The following RASEF variants were observed in gnomAD, a reference collection of about 807,000 sequenced individuals.
The protein encoded by RASEF is RAS and EF-hand domain containing, also known as ras and EF-hand domain-containing protein.
A neutral mutation model predicts 90.1 loss-of-function variants in RASEF; 68 were observed. The observed-to-expected ratio is 0.75, with a 90% CI of 0.62 to 0.92. The LOEUF (loss-of-function observed/expected upper bound fraction) is 0.92, where lower values mean the gene tolerates loss of function less well. RASEF is among the 40% of genes least tolerant of loss of function. The pLI is 0.00. For synonymous variants in RASEF, 331 were observed against 345.2 expected, an observed-to-expected ratio of 0.96 and a Z score of 0.46; for missense variants, 949 against 937.2, an observed-to-expected ratio of 1.01 and a Z score of -0.16.
chr9:83,144,016 G>A, the RASEF span, among the ~76,000 whole-genome samples: 2 of 152,040 alleles, frequency 1.3e-5, 1 homozygote, highest in Non-Finnish European at 2.9e-5. Flanking sequence ...ATGGTTGGAG[G>A]TGGAGGCCAT....
chr9:83,188,536 C>T, the RASEF span, among the ~76,000 whole-genome samples: 7 of 152,176 alleles, frequency 4.6e-5, no homozygotes, highest in Non-Finnish European at 5.9e-5. Flanking sequence ...TGTGAGAAAT[C>T]GGCATCTCTA....
At chr9:83,212,591 A>C in the RASEF span, among the ~76,000 whole-genome samples, 1 of 152,228 alleles carries the variant, frequency 6.6e-6, no homozygotes, top group African/African-American at 2.4e-5. Flanking sequence ...GAATGACAGA[A>C]TTTCTCTTTG....
the RASEF span, among the ~76,000 whole-genome samples, chr9:83,083,116 G>A: frequency 0.021 from 3,148 of 152,182 alleles, 90 homozygotes; most frequent in African/African-American, 0.071. Flanking sequence ...CTAGGAACCA[G>A]GAACAATTGT....
chr9:83,179,184 A>C, the RASEF span, among the ~76,000 whole-genome samples: 1 of 152,210 alleles, frequency 6.6e-6, no homozygotes, highest in Non-Finnish European at 1.5e-5. Context: ...TGTCATAGGA[A>C]AAGCATAAAA....
At chr9:83,090,081 T>A in the RASEF span, among the ~76,000 whole-genome samples, 3 of 152,234 alleles carry the variant, frequency 2.0e-5, no homozygotes, top group Admixed American at 6.5e-5. Context: ...AGTTAACTTA[T>A]CTTCGGGTTC....
the RASEF span, among the ~76,000 whole-genome samples, chr9:83,115,846 TGA>T: frequency 2.0e-5 from 3 of 152,130 alleles, no homozygotes; most frequent in African/African-American, 7.2e-5. Flanking sequence ...AAAATTATGC[TGA>T]GTTTTCAATA....
In RASEF at chr9:82,998,989, G is replaced by A. The variant is rs549688458; in HGVS notation, c.1724-543C>T. ...ACATGCATCATGGTCTCTGACAACT[G>A]AACCAAATACTGTATGTAGTCTTTT... On this transcript the variant is annotated intron_variant, in intron 12 of 16. Transcript: ENST00000376447. 2.6e-5 allele frequency among the ~76,000 whole-genome samples: 4 copies of A among 152,190 alleles called. No individual in the cohort carries two copies. The East Asian group carries it at 5.8e-4, about 22-fold the overall frequency.
At chr9:83,188,914 TG>T in the RASEF span, among the ~76,000 whole-genome samples, 1 of 152,216 alleles carries the variant, frequency 6.6e-6, no homozygotes, top group African/African-American at 2.4e-5. Context: ...TTACTATGTC[TG>T]GCAAGGAGAG....
intron 6 of RASEF, among the ~76,000 whole-genome samples, chr9:83,008,386 T>C (rs138667050): frequency 6.6e-6 from 1 of 152,276 alleles, no homozygotes; most frequent in East Asian, 1.9e-4. Flanking sequence ...GCTTTTCTAT[T>C]CAAAATGTCT....
At chr9:83,123,494 T>TCTCACTTCTCC in the RASEF span, among the ~76,000 whole-genome samples, 8 of 152,142 alleles carry the variant, frequency 5.3e-5, no homozygotes, top group Non-Finnish European at 1.0e-4. Flanking sequence ...CCTTCCCTGG[T>TCTCACTTCTCC]TAATCCTCAC....
At chr9:83,147,590 T>C in the RASEF span, among the ~76,000 whole-genome samples, 1 of 151,940 alleles carries the variant, frequency 6.6e-6, no homozygotes, top group Non-Finnish European at 1.5e-5. Flanking sequence ...CATGGTAGTG[T>C]CTAGGGGTGG....
chr9:83,023,366 C>G (rs755866088), intron 2 of RASEF, among the ~76,000 whole-genome samples: 1 of 152,144 alleles, frequency 6.6e-6, no homozygotes, highest in Non-Finnish European at 1.5e-5. Flanking sequence ...AGAGGTGATT[C>G]ATTCGGACAA....
chr9:83,048,956 T>C (rs1829984420), intron 1 of RASEF: 1 of 172,876 alleles, frequency 5.8e-6, no homozygotes, highest in Non-Finnish European at 1.1e-5. Flanking sequence ...CAGTACTATC[T>C]GTACTAAAAA....
At chr9:83,077,399 G>C in the RASEF span, among the ~76,000 whole-genome samples, 1 of 152,134 alleles carries the variant, frequency 6.6e-6, no homozygotes, top group Non-Finnish European at 1.5e-5. Context: ...AAAGTTATTA[G>C]AATCGGTCAT....
chr9:83,145,582 A>C, the RASEF span, among the ~76,000 whole-genome samples: 1 of 152,096 alleles, frequency 6.6e-6, no homozygotes, highest in Non-Finnish European at 1.5e-5. Flanking sequence ...CTATTGACAG[A>C]GCCTAGCATG....
At chr9:83,092,571 G>C in the RASEF span, among the ~76,000 whole-genome samples, 2 of 152,148 alleles carry the variant, frequency 1.3e-5, no homozygotes, top group African/African-American at 4.8e-5. Context: ...GACTTTCACA[G>C]TGAGTGTCAC....
At position 83,062,872 on chromosome 9, in the gene RASEF, C is replaced by T. The variant is rs1421829872; in HGVS notation, c.-5G>A. The stretch of plus-strand genomic sequence containing the variant: ...TCCGTCCCCATCCGCCTCCATCCCG[C>T]CTGGCGGGGGCGGCCGAGAGGGCTC... On this transcript the variant is annotated 5_prime_UTR_variant, in exon 1 of 17. Coordinates refer to ENST00000376447, the MANE Select transcript of RASEF (RefSeq NM_152573.4). 8.7e-6 allele frequency: 13 copies of T among 1,494,646 alleles called. No homozygotes were observed. The highest frequency in any genetic ancestry group is 1.1e-5 in the Non-Finnish European group (13 of 1,132,550). The allele number at this position is 1,494,646 out of a possible 1,614,324, so 92.6% of individuals were successfully genotyped here.
At chr9:83,077,486 C>G in the RASEF span, among the ~76,000 whole-genome samples, 3,118 of 152,220 alleles carry the variant, frequency 0.02, 91 homozygotes, top group African/African-American at 0.071. Flanking sequence ...CACAAACTCT[C>G]CCCTCCCCTA....
chr9:83,194,883 A>G, the RASEF span, among the ~76,000 whole-genome samples: 1 of 152,274 alleles, frequency 6.6e-6, no homozygotes, highest in East Asian at 1.9e-4. Context: ...TTGAGCAATT[A>G]CTTATTTTCT....
Sources: gnomAD v4.1 joint callset for allele counts (sites outside exome capture counted in the v4.1 genomes callset) on GRCh38, gnomAD v4.1.1 for gene constraint, MANE v1.5 for transcripts, NCBI Gene and HGNC (gene_info 2026-07-23, HGNC 2026-07-21) for gene names.